IL1R1: variants seen among roughly 807,000 people sequenced by gnomAD.
IL1R1 encodes interleukin-1 receptor type 1.
In IL1R1, 22 loss-of-function variants were observed where a neutral mutation model predicts 50.2. The observed-to-expected ratio is 0.44, with a 90% confidence interval of 0.31 to 0.63. The LOEUF is 0.63. Among genes scored for constraint, IL1R1 ranks in the 20% least tolerant of loss-of-function variants. The pLI is 0.07. For missense variants in IL1R1, 509 were observed against 676.2 expected, an observed-to-expected ratio of 0.75 and a Z score of 2.74; for synonymous variants, 251 against 236.7, an observed-to-expected ratio of 1.06 and a Z score of -0.55.
chr2:102,076,987 A>G (rs1678995961), intron 1 of IL1R1, among the ~76,000 whole-genome samples: 1 of 151,340 alleles, frequency 6.6e-6, no homozygotes, highest in South Asian at 2.1e-4. Flanking sequence ...TCATTTTTTC[A>G]ATCTTCTTTT....
chr2:102,106,583 A>G (rs1680425748), intron 1 of IL1R1, among the ~76,000 whole-genome samples: 1 of 152,212 alleles, frequency 6.6e-6, no homozygotes, highest in South Asian at 2.1e-4. Context: ...GCACAAGCTC[A>G]TTGTCAAGAA....
intron 1 of IL1R1, among the ~76,000 whole-genome samples, chr2:102,120,414 T>C (rs1050556945): frequency 2.6e-5 from 4 of 152,180 alleles, no homozygotes; most frequent in Non-Finnish European, 4.4e-5. Flanking sequence ...TGTGTGCACG[T>C]GCCAAGTACC....
At chr2:102,120,595 C>A (rs1346835088) in intron 1 of IL1R1, among the ~76,000 whole-genome samples, 4 of 152,296 alleles carry the variant, frequency 2.6e-5, no homozygotes, top group South Asian at 2.1e-4. Context: ...CAGAGGCAGG[C>A]AACTCCGGCA....
intron 1 of IL1R1, among the ~76,000 whole-genome samples, chr2:102,145,753 G>T (rs553995746): frequency 6.6e-6 from 1 of 152,174 alleles, no homozygotes; most frequent in Non-Finnish European, 1.5e-5. Flanking sequence ...AGCTCTGCCT[G>T]CACCTTAGCA....
At chr2:102,111,155 CT>C (rs1680738882) in intron 1 of IL1R1, among the ~76,000 whole-genome samples, 1 of 152,150 alleles carries the variant, frequency 6.6e-6, no homozygotes, top group Non-Finnish European at 1.5e-5. Context: ...AGGAGTTTGG[CT>C]TTTATTGTGA....
At chr2:102,142,145 A>G (rs904634308), upstream of IL1R1, 5 of 152,372 alleles carry the variant, frequency 3.3e-5, no homozygotes, top group African/African-American at 2.4e-5. Flanking sequence ...ACCAGCAGAT[A>G]ACGCGTGAGT....
intron 1 of IL1R1, among the ~76,000 whole-genome samples, chr2:102,075,028 A>G (rs1285083836): frequency 6.6e-6 from 1 of 152,234 alleles, no homozygotes; most frequent in South Asian, 2.1e-4. Flanking sequence ...TGTTATGCGT[A>G]TTCTTTATAC....
chr2:102,091,812 T>A lies in IL1R1; in HGVS notation c.-84+21279T>A, dbSNP rs185547660. On this transcript the variant is annotated intron_variant, in intron 1 of 11. Coordinates refer to the IL1R1 transcript ENST00000409929. ...CAGCCTTCCCAGCCTCTACTATCTA[T>A]TATTCTTCTCTCTACCTTCATGGGA... 2.3e-3 allele frequency among the ~76,000 whole-genome samples: 349 copies of A among 152,336 alleles called. 1 individual carries two copies. The highest frequency in any genetic ancestry group is 7.9e-3 in the African/African-American group (330 of 41,572).
chr2:102,124,735 T>C (rs1181676531), intron 1 of IL1R1, among the ~76,000 whole-genome samples: 1 of 151,950 alleles, frequency 6.6e-6, no homozygotes, highest in South Asian at 2.1e-4. Flanking sequence ...CTGGCCAACA[T>C]GGTAAAACCC....
At chr2:102,129,111 T>C (rs1681886033) in intron 1 of IL1R1, among the ~76,000 whole-genome samples, 1 of 152,098 alleles carries the variant, frequency 6.6e-6, no homozygotes. Flanking sequence ...CTTGGGAGGC[T>C]GAGGTGAGAG....
chr2:102,099,581 G>C (rs866818900), upstream of IL1R1, among the ~76,000 whole-genome samples: 1 of 152,116 alleles, frequency 6.6e-6, no homozygotes, highest in Middle Eastern at 3.4e-3. Flanking sequence ...GGTCTTCTTC[G>C]GCCATGAACA....
At position 102,176,678 on chromosome 2, in the gene IL1R1, G is replaced by T; in HGVS notation, c.1629G>T (p.Arg543=). ...NVRYHMPVQR[R]SPSSKHQLLS... ...GGTACCACATGCCAGTCCAGCGACG[G>T]TCACCTTCATCTAAACACCAGTTAC... The change falls in exon 12 of 12, where the codon CGG becomes CGT. Residue 543 remains arginine (R), a synonymous_variant. Transcript: ENST00000410023. The T allele has an allele frequency of 6.2e-7, 1 of 1,614,172 alleles. No homozygotes were observed. The highest frequency in any genetic ancestry group is 1.1e-5 in the South Asian group (1 of 91,076).
chr2:102,115,834 G>A (rs761162669), intron 1 of IL1R1, among the ~76,000 whole-genome samples: 1 of 152,116 alleles, frequency 6.6e-6, no homozygotes, highest in African/African-American at 2.4e-5. Flanking sequence ...GTAAACATGG[G>A]TACATCAAGG....
intron 1 of IL1R1, among the ~76,000 whole-genome samples, chr2:102,110,429 A>AC (rs78652693): frequency 2.1e-4 from 13 of 62,064 alleles, no homozygotes; most frequent in Non-Finnish European, 3.7e-4. Flanking sequence ...AGAATTACCC[A>AC]CCCCCCCACC....
At chr2:102,105,802 C>T (rs2104349223) in intron 1 of IL1R1, among the ~76,000 whole-genome samples, 3 of 152,306 alleles carry the variant, frequency 2.0e-5, no homozygotes, top group Admixed American at 2.0e-4. Context: ...ATTTTTCTCC[C>T]CCCTTCAGAA....
chr2:102,072,948 G>A (rs1678798131), intron 1 of IL1R1, among the ~76,000 whole-genome samples: 1 of 152,190 alleles, frequency 6.6e-6, no homozygotes, highest in Non-Finnish European at 1.5e-5. Context: ...CTTGAGCTGA[G>A]TCAAATGTAA....
intron 1 of IL1R1, among the ~76,000 whole-genome samples, chr2:102,094,967 G>C (rs1679835828): frequency 6.6e-6 from 1 of 152,096 alleles, no homozygotes; most frequent in South Asian, 2.1e-4. Flanking sequence ...ATTACAAAGG[G>C]GCGTGAGAAA....
At chr2:102,176,282 G>A in intron 11 of IL1R1, 71 bp from the exon 12 acceptor site, 2 of 1,372,744 alleles carry the variant, frequency 1.5e-6, no homozygotes, top group Non-Finnish European at 2.0e-6. Flanking sequence ...AAAGCCTTGT[G>A]TGGCTTTGGT....
At chr2:102,132,714 T>A (rs1682105616) in intron 1 of IL1R1, among the ~76,000 whole-genome samples, 1 of 152,138 alleles carries the variant, frequency 6.6e-6, no homozygotes. Context: ...CTGGATTGAC[T>A]GTGGATTAAA....
Sources: gnomAD v4.1 joint callset for allele counts (sites outside exome capture counted in the v4.1 genomes callset) on GRCh38, gnomAD v4.1.1 for gene constraint, MANE v1.5 for transcripts, NCBI Gene and HGNC (gene_info 2026-07-23, HGNC 2026-07-21) for gene names.